Variants in NAV2 observed in about 807,000 individuals in gnomAD.
NAV2 encodes helicase, APC down-regulated 1.
NAV2 carries 54 observed loss-of-function variants against 223.2 expected under a neutral mutation model. That is an observed-to-expected ratio of 0.24 (90% CI 0.19 to 0.30). The LOEUF (loss-of-function observed/expected upper bound fraction) is 0.30, where lower values mean the gene tolerates loss of function less well. Ranked by LOEUF, NAV2 falls within the 10% of genes least tolerant of loss-of-function variation. NAV2 has a pLI of 1.00. For synonymous variants in NAV2, 1,279 were observed against 1,239.3 expected, an observed-to-expected ratio of 1.03 and a Z score of -0.67; for missense variants, 2,806 against 3,147.5, an observed-to-expected ratio of 0.89 and a Z score of 2.60.
At chr11:19,396,634 C>T (rs1232021984) in intron 1 of NAV2, among the ~76,000 whole-genome samples, 3 of 152,092 alleles carry the variant, frequency 2.0e-5, no homozygotes, top group African/African-American at 7.2e-5. Flanking sequence ...CGCTGGTTCT[C>T]GGGCCCTGCT....
intron 1 of NAV2, among the ~76,000 whole-genome samples, chr11:19,715,027 T>C (rs568749289): frequency 1.3e-5 from 2 of 152,298 alleles, no homozygotes; most frequent in South Asian, 4.2e-4. Context: ...CTGACCTTTT[T>C]GGCACATACT....
rs1328733385 is a variant in NAV2, at chr11:20,118,254, T to A, written c.7286T>A (p.Leu2429Gln). The part of the protein sequence containing the change: ...DILDSSLEST[L>Q] ...TTGGACTCCTCTTTGGAGTCCACTC[T>A]GTGACAGGGGCCCGGAGCCCAGCGC... is the stretch of plus-strand genomic sequence containing the variant. The change falls in exon 38 of 38, where the codon CTG becomes CAG. Residue 2429 changes from leucine (L) to glutamine (Q), a missense_variant. Physicochemically the swap from Leu to Gln is moderately radical, Grantham distance 113 (BLOSUM62 -2). Around this residue, in one of 4 missense-constraint regions of NAV2, gnomAD observed 824 missense variants for 1,069.4 expected, o/e 0.77. Transcript: ENST00000349880. 3.7e-6 allele frequency: 6 copies of A among 1,613,836 alleles called. No homozygotes were observed. In the Admixed American group the frequency reaches 1.0e-4, roughly 27 times the overall value.
chr11:19,803,724 G>A (rs2058395838), intron 1 of NAV2, among the ~76,000 whole-genome samples: 1 of 152,210 alleles, frequency 6.6e-6, no homozygotes, highest in Admixed American at 6.5e-5. Context: ...TATAGTCCAG[G>A]GAAGCCCCTC....
intron 11 of NAV2, among the ~76,000 whole-genome samples, chr11:20,023,699 GGTGTGTGTGTGTGT>G (rs374769800): frequency 5.5e-5 from 8 of 144,570 alleles, no homozygotes; most frequent in African/African-American, 2.6e-5. Flanking sequence ...CAAATTGCTG[GGTGTGTGTGTGTGT>G]GTGTGTGTGT....
intron 1 of NAV2, among the ~76,000 whole-genome samples, chr11:19,742,728 C>A (rs935248638): frequency 5.3e-5 from 8 of 152,204 alleles, no homozygotes; most frequent in South Asian, 4.1e-4. Flanking sequence ...CACAGATGGG[C>A]AGGAAATCTA....
intron 1 of NAV2, among the ~76,000 whole-genome samples, chr11:19,696,655 G>T (rs564238951): frequency 1.3e-5 from 2 of 152,218 alleles, no homozygotes; most frequent in South Asian, 4.1e-4. Context: ...TCTGGCTTCA[G>T]AGAAAGGATT....
At chr11:19,395,165 C>A (rs559398208) in intron 1 of NAV2, among the ~76,000 whole-genome samples, 1 of 152,274 alleles carries the variant, frequency 6.6e-6, no homozygotes, top group East Asian at 1.9e-4. Flanking sequence ...GAGCATGTGC[C>A]CATGTGCACG....
chr11:20,095,161 A>G (rs2153690196), intron 29 of NAV2, among the ~76,000 whole-genome samples: 1 of 152,384 alleles, frequency 6.6e-6, no homozygotes, highest in Middle Eastern at 3.4e-3. Context: ...AGATCTAGTA[A>G]GGAGGTAAAC....
chr11:19,736,012 A>C (rs1267902639), intron 1 of NAV2, among the ~76,000 whole-genome samples: 1 of 152,212 alleles, frequency 6.6e-6, no homozygotes, highest in African/African-American at 2.4e-5. Context: ...ATCAGCTTTC[A>C]GGAATAAAAA....
At chr11:19,346,154 C>T (rs1444859050), upstream of NAV2, among the ~76,000 whole-genome samples, 1 of 152,180 alleles carries the variant, frequency 6.6e-6, no homozygotes, top group Non-Finnish European at 1.5e-5. Context: ...CTGCGCGGGT[C>T]CCTCTGTGGA....
At chr11:19,374,089 A>G (rs1485116712) in intron 1 of NAV2, among the ~76,000 whole-genome samples, 1 of 152,228 alleles carries the variant, frequency 6.6e-6, no homozygotes, top group African/African-American at 2.4e-5. Context: ...AGCAATTATA[A>G]TAATGTTATC....
At chr11:19,629,129 C>G (rs1364154071) in intron 1 of NAV2, among the ~76,000 whole-genome samples, 3 of 152,162 alleles carry the variant, frequency 2.0e-5, no homozygotes, top group Non-Finnish European at 4.4e-5. Context: ...CAGCCTCCCG[C>G]TCTGCCTCAG....
chr11:19,681,559 T>C (rs1011452927), intron 1 of NAV2, among the ~76,000 whole-genome samples: 2 of 152,188 alleles, frequency 1.3e-5, no homozygotes, highest in African/African-American at 4.8e-5. Context: ...CTGGTCTGCC[T>C]AAGTCCCTCT....
intron 10 of NAV2, among the ~76,000 whole-genome samples, chr11:19,975,132 C>G (rs186439167): frequency 1.8e-3 from 268 of 152,296 alleles, no homozygotes; most frequent in African/African-American, 6.1e-3. Context: ...GGACAAAAAG[C>G]TTCCTGCTAA....
chr11:19,521,732 A>T (rs2043663067), intron 1 of NAV2, among the ~76,000 whole-genome samples: 1 of 152,144 alleles, frequency 6.6e-6, no homozygotes, highest in Non-Finnish European at 1.5e-5. Flanking sequence ...AGGCCTTCTG[A>T]GATCCATTTT....
upstream of NAV2, among the ~76,000 whole-genome samples, chr11:19,349,150 C>T (rs760031689): frequency 1.5e-4 from 23 of 152,000 alleles, no homozygotes; most frequent in Non-Finnish European, 2.5e-4. Context: ...TCTGAACATT[C>T]TGCTCCTCAC....
intron 6 of NAV2, among the ~76,000 whole-genome samples, chr11:19,913,188 C>A (rs113017188): frequency 0.01 from 1,598 of 152,204 alleles, 36 homozygotes; most frequent in African/African-American, 0.036. Flanking sequence ...ATTAGGGTAC[C>A]TAATTTGATC....
chr11:19,758,004 C>T (rs573540580), intron 1 of NAV2, among the ~76,000 whole-genome samples: 2 of 152,174 alleles, frequency 1.3e-5, no homozygotes, highest in African/African-American at 4.8e-5. Context: ...TTCGACAAAC[C>T]CCAAAAATAT....
At chr11:20,005,253 ATTTTTTTTT>A (rs35999844) in intron 11 of NAV2, among the ~76,000 whole-genome samples, 1 of 134,554 alleles carries the variant, frequency 7.4e-6, no homozygotes, top group Non-Finnish European at 1.6e-5. Flanking sequence ...ATATATATAT[ATTTTTTTTT>A]TTTTTTGAGA....
Sources: allele counts gnomAD v4.1 joint callset (sites outside exome capture counted in the v4.1 genomes callset), GRCh38; gene constraint gnomAD v4.1.1; regional missense constraint gnomAD v4.1.1; transcripts MANE v1.5; gene names NCBI Gene and HGNC (gene_info 2026-07-23, HGNC 2026-07-21).